The following CLSTN2 variants were observed in gnomAD, a reference collection of about 807,000 sequenced individuals.
The protein encoded by CLSTN2 is calsyntenin 2, also known as calsyntenin-2.
A neutral mutation model predicts 101.2 loss-of-function variants in CLSTN2; 48 were observed. The observed-to-expected ratio is 0.47, with a 90% CI of 0.38 to 0.60. The LOEUF (loss-of-function observed/expected upper bound fraction) is 0.60. Ranked by LOEUF, CLSTN2 falls within the 20% of genes least tolerant of loss-of-function variation. The pLI is 0.00. For synonymous variants in CLSTN2, 481 were observed against 463.6 expected (o/e 1.04, Z -0.48); for missense variants, 1,160 against 1,238.2 (o/e 0.94, Z 0.95).
chr3:140,449,870 A>G (rs190152990), intron 6 of CLSTN2: 1 of 152,466 alleles, frequency 6.6e-6, no homozygotes, highest in Non-Finnish European at 1.5e-5. Context: ...ATGCCCATGA[A>G]GCTGAGTCTG....
intron 5 of CLSTN2, among the ~76,000 whole-genome samples, chr3:140,441,925 G>C (rs1166876483): frequency 6.6e-6 from 1 of 152,112 alleles, no homozygotes; most frequent in Admixed American, 6.5e-5. Context: ...GCAGCTGCTG[G>C]GTTGTACACT....
At chr3:140,180,924 G>T (rs9822648) in intron 2 of CLSTN2, among the ~76,000 whole-genome samples, 38,987 of 152,126 alleles carry the variant, frequency 0.26, 5,388 homozygotes, top group African/African-American at 0.33. Flanking sequence ...TCCTTATCTT[G>T]GGACCTGCCT....
chr3:140,513,124 G>A (rs1036651891), intron 8 of CLSTN2, among the ~76,000 whole-genome samples: 3 of 151,710 alleles, frequency 2.0e-5, no homozygotes, highest in Non-Finnish European at 4.4e-5. Flanking sequence ...TGATTTCCTG[G>A]GCCAAACTTC....
At chr3:140,485,692 GT>G (rs1391522273) in intron 8 of CLSTN2, among the ~76,000 whole-genome samples, 2 of 152,136 alleles carry the variant, frequency 1.3e-5, no homozygotes, top group East Asian at 1.9e-4. Flanking sequence ...CTGCCTTGCA[GT>G]TTGATCTCAG....
At chr3:140,003,912 C>G (rs550226265) in intron 1 of CLSTN2, among the ~76,000 whole-genome samples, 113 of 152,246 alleles carry the variant, frequency 7.4e-4, no homozygotes, top group African/African-American at 2.5e-3. Context: ...ATCCATGAGT[C>G]CATTTCTACG....
chr3:140,378,456 G>C (rs184664610), intron 2 of CLSTN2, among the ~76,000 whole-genome samples: 1 of 152,364 alleles, frequency 6.6e-6, no homozygotes, highest in Admixed American at 6.5e-5. Flanking sequence ...TAAATGAATA[G>C]AATTTTTCCA....
chr3:140,348,002 G>T (rs1332496914), intron 2 of CLSTN2, among the ~76,000 whole-genome samples: 1 of 152,196 alleles, frequency 6.6e-6, no homozygotes, highest in African/African-American at 2.4e-5. Flanking sequence ...GAATGTTATT[G>T]ATTATCACTT....
intron 2 of CLSTN2, among the ~76,000 whole-genome samples, chr3:140,245,147 A>T (rs969867357): frequency 2.3e-4 from 35 of 152,150 alleles, no homozygotes; most frequent in Admixed American, 2.2e-3. Context: ...CACGTGTTCC[A>T]GGGCTGGCAA....
chr3:139,955,811 C>T (rs1019118827), intron 1 of CLSTN2, among the ~76,000 whole-genome samples: 3 of 152,114 alleles, frequency 2.0e-5, no homozygotes, highest in Non-Finnish European at 4.4e-5. Flanking sequence ...AGGGGACATT[C>T]GTTTCTTGGG....
At chr3:140,147,223 T>C (rs577332313) in intron 1 of CLSTN2, among the ~76,000 whole-genome samples, 8 of 152,184 alleles carry the variant, frequency 5.3e-5, no homozygotes, top group Non-Finnish European at 8.8e-5. Flanking sequence ...CCCTAGGAAA[T>C]CAGGAAGAGC....
chr3:140,035,727 T>G (rs934733867), intron 1 of CLSTN2, among the ~76,000 whole-genome samples: 1 of 152,246 alleles, frequency 6.6e-6, no homozygotes, highest in Non-Finnish European at 1.5e-5. Context: ...TTGCCAGTCA[T>G]TTGTTTAAGC....
intron 10 of CLSTN2, among the ~76,000 whole-genome samples, chr3:140,555,491 T>C (rs915824694): frequency 1.3e-5 from 2 of 152,148 alleles, no homozygotes; most frequent in African/African-American, 4.8e-5. Flanking sequence ...GAGATAGAAA[T>C]GAGATAGCTA....
chr3:140,190,358 AT>A (rs1199873968), intron 2 of CLSTN2, among the ~76,000 whole-genome samples: 11 of 138,790 alleles, frequency 7.9e-5, no homozygotes, highest in Non-Finnish European at 1.5e-4. Flanking sequence ...ATTACTCTCA[AT>A]TTTTTTTTCA....
At chr3:140,337,959 T>G (rs1211676301) in intron 2 of CLSTN2, among the ~76,000 whole-genome samples, 1 of 152,160 alleles carries the variant, frequency 6.6e-6, no homozygotes, top group Non-Finnish European at 1.5e-5. Context: ...CTCTCTTGTC[T>G]GGAGTCATGG....
chr3:140,236,950 G>A (rs1452432468), intron 2 of CLSTN2, among the ~76,000 whole-genome samples: 1 of 149,518 alleles, frequency 6.7e-6, no homozygotes, highest in Non-Finnish European at 1.5e-5. Context: ...ATATTTTAAT[G>A]TTTTTATCTA....
chr3:140,037,600 T>C (rs1023793643), intron 1 of CLSTN2, among the ~76,000 whole-genome samples: 6 of 151,960 alleles, frequency 3.9e-5, no homozygotes, highest in African/African-American at 7.3e-5. Flanking sequence ...GTTTGTTACA[T>C]AGGTAAACAC....
chr3:140,002,600 T>C (rs1438959728), intron 1 of CLSTN2, among the ~76,000 whole-genome samples: 1 of 152,196 alleles, frequency 6.6e-6, no homozygotes, highest in African/African-American at 2.4e-5. Flanking sequence ...TTTGGTTGCC[T>C]GTGCTTGCGG....
intron 4 of CLSTN2, among the ~76,000 whole-genome samples, chr3:140,405,487 A>C (rs2088293029): frequency 6.6e-6 from 1 of 152,278 alleles, no homozygotes; most frequent in South Asian, 2.1e-4. Flanking sequence ...TCGGCCTCCC[A>C]AAGTGCTGGG....
chr3:140,302,810 C>T (rs1444661863), intron 2 of CLSTN2, among the ~76,000 whole-genome samples: 1 of 152,086 alleles, frequency 6.6e-6, no homozygotes, highest in Non-Finnish European at 1.5e-5. Flanking sequence ...GGGTTGGAGA[C>T]AGAGAAAGGT....
Sources: gnomAD v4.1 joint callset for allele counts (sites outside exome capture counted in the v4.1 genomes callset) on GRCh38, gnomAD v4.1.1 for gene constraint, MANE v1.5 for transcripts, NCBI Gene and HGNC (gene_info 2026-07-23, HGNC 2026-07-21) for gene names.